DENND1A: variants seen among roughly 807,000 people sequenced by gnomAD.
The protein encoded by DENND1A is DENN domain-containing protein 1A.
DENND1A carries 51 observed loss-of-function variants against 113.7 expected under a neutral mutation model. The ratio of observed to expected loss-of-function variants is 0.45; its 90% CI spans 0.36 to 0.57. The LOEUF (loss-of-function observed/expected upper bound fraction) is 0.57, where lower values mean the gene tolerates loss of function less well. DENND1A is among the 20% of genes least tolerant of loss of function. DENND1A has a pLI of 0.00. For missense variants in DENND1A, 1,258 were observed against 1,395.9 expected (o/e 0.90, Z 1.57); for synonymous variants, 565 against 570.8 (o/e 0.99, Z 0.14).
intron 5 of DENND1A, among the ~76,000 whole-genome samples, chr9:123,678,097 C>A (rs560908819): frequency 6.6e-6 from 1 of 152,310 alleles, no homozygotes; most frequent in East Asian, 1.9e-4. Context: ...CTTTTCTGTG[C>A]TGCCCTGGTC....
At chr9:123,516,761 G>A (rs1184132348) in intron 13 of DENND1A, among the ~76,000 whole-genome samples, 1 of 151,762 alleles carries the variant, frequency 6.6e-6, no homozygotes, top group African/African-American at 2.4e-5. Context: ...GTGTGTGCCT[G>A]TAATCCTAGC....
chr9:123,726,811 TA>T (rs1401373317), intron 5 of DENND1A, among the ~76,000 whole-genome samples: 1 of 152,228 alleles, frequency 6.6e-6, no homozygotes, highest in Non-Finnish European at 1.5e-5. Context: ...GAAACCCACA[TA>T]AACATTTTTT....
At chr9:123,407,848 T>C (rs1178556339) in intron 20 of DENND1A, among the ~76,000 whole-genome samples, 1 of 152,154 alleles carries the variant, frequency 6.6e-6, no homozygotes, top group Non-Finnish European at 1.5e-5. Flanking sequence ...TACATTTGAT[T>C]TTAATGGTGA....
intron 10 of DENND1A, among the ~76,000 whole-genome samples, chr9:123,625,838 A>C (rs2061184024): frequency 6.6e-6 from 1 of 152,214 alleles, no homozygotes; most frequent in African/African-American, 2.4e-5. Context: ...CAATCCCTGC[A>C]GAAGCCCCGG....
At chr9:123,803,265 C>T (rs899648763) in intron 2 of DENND1A, among the ~76,000 whole-genome samples, 7 of 152,204 alleles carry the variant, frequency 4.6e-5, no homozygotes, top group Admixed American at 2.0e-4. Context: ...TGGACAAAAA[C>T]ACACAGCTAT....
chr9:123,720,191 G>A (rs192197434), intron 5 of DENND1A, among the ~76,000 whole-genome samples: 118 of 152,244 alleles, frequency 7.8e-4, no homozygotes, highest in African/African-American at 2.4e-3. Context: ...ACATCACCAC[G>A]TATTCAAACA....
chr9:123,715,071 T>A (rs185276197), intron 5 of DENND1A, among the ~76,000 whole-genome samples: 99 of 151,864 alleles, frequency 6.5e-4, no homozygotes, highest in African/African-American at 2.3e-3. Context: ...TAATCCCAGC[T>A]ACTTAGGAGG....
At chr9:123,879,402 G>A (rs909436561) in intron 1 of DENND1A, among the ~76,000 whole-genome samples, 2 of 151,982 alleles carry the variant, frequency 1.3e-5, no homozygotes, top group African/African-American at 4.8e-5. Flanking sequence ...ACATGGTGGT[G>A]CACACCTATA....
intron 13 of DENND1A, among the ~76,000 whole-genome samples, chr9:123,520,018 G>T (rs1043980054): frequency 1.3e-5 from 2 of 151,878 alleles, no homozygotes; most frequent in Non-Finnish European, 2.9e-5. Flanking sequence ...AAATTAGCTG[G>T]GTGTGATGGT....
chr9:123,586,194 C>T (rs1018650697), intron 11 of DENND1A, among the ~76,000 whole-genome samples: 3 of 151,958 alleles, frequency 2.0e-5, no homozygotes, highest in Admixed American at 6.6e-5. Context: ...CCAAATAGTC[C>T]CAAACAGAAG....
At chr9:123,839,326 C>T (rs1341043263) in intron 2 of DENND1A, among the ~76,000 whole-genome samples, 2 of 152,190 alleles carry the variant, frequency 1.3e-5, no homozygotes, top group Non-Finnish European at 2.9e-5. Context: ...ACAGACCTCT[C>T]CACCTCTATC....
chr9:123,593,810 G>A (rs1037814179), intron 11 of DENND1A, among the ~76,000 whole-genome samples: 1 of 152,106 alleles, frequency 6.6e-6, no homozygotes, highest in Non-Finnish European at 1.5e-5. Context: ...CAGATCTCAC[G>A]CCCTCTTGTA....
intron 13 of DENND1A, among the ~76,000 whole-genome samples, chr9:123,551,074 C>T (rs1356250664): frequency 6.6e-6 from 1 of 152,230 alleles, no homozygotes; most frequent in Non-Finnish European, 1.5e-5. Context: ...CTGGATGGGG[C>T]TGCCTGGCTG....
chr9:123,801,026 G>A (rs1834560190), intron 2 of DENND1A, among the ~76,000 whole-genome samples: 1 of 152,254 alleles, frequency 6.6e-6, no homozygotes, highest in East Asian at 1.9e-4. Context: ...CCATCAAACA[G>A]AGCCTTCCTT....
At chr9:123,420,348 A>C (rs2045154232) in intron 19 of DENND1A, among the ~76,000 whole-genome samples, 1 of 152,112 alleles carries the variant, frequency 6.6e-6, no homozygotes, top group African/African-American at 2.4e-5. Context: ...GCTGGGCTTC[A>C]CTCTGAACGG....
intron 18 of DENND1A, among the ~76,000 whole-genome samples, chr9:123,447,479 G>C (rs1218769792): frequency 6.6e-6 from 1 of 152,152 alleles, no homozygotes; most frequent in Admixed American, 6.5e-5. Context: ...TCATATTAGA[G>C]ATGGACCCTC....
intron 13 of DENND1A, among the ~76,000 whole-genome samples, chr9:123,499,839 G>A (rs535561425): frequency 3.9e-5 from 6 of 152,290 alleles, no homozygotes; most frequent in African/African-American, 1.2e-4. Flanking sequence ...CACAGCAAAC[G>A]CTCCTGACTC....
rs76971333 is a variant in DENND1A, at chr9:123,927,058, T to C, written c.17+2831A>G. Among the ~76,000 whole-genome samples, 568 of 152,224 alleles carry C rather than the reference T, an allele frequency of 3.7e-3. 1 individual carries two copies. The highest frequency in any genetic ancestry group is 0.013 in the African/African-American group (535 of 41,518). On this transcript the variant is annotated intron_variant, in intron 1 of 23. Transcript: ENST00000394215. ...GGCCTATAAACTCCCATTCTCTCAT[T>C]TGAAAAATGTGGTTAATAAATAGCA... is the stretch of plus-strand genomic sequence containing the variant.
intron 11 of DENND1A, among the ~76,000 whole-genome samples, chr9:123,596,742 A>G (rs1485370082): frequency 3.9e-5 from 6 of 152,226 alleles, no homozygotes; most frequent in African/African-American, 7.2e-5. Context: ...GCAAGCCCTA[A>G]AAGTAGGGCC....
Sources: allele counts gnomAD v4.1 joint callset (sites outside exome capture counted in the v4.1 genomes callset), GRCh38; gene constraint gnomAD v4.1.1; transcripts MANE v1.5; gene names NCBI Gene and HGNC (gene_info 2026-07-23, HGNC 2026-07-21).